NALCN: variants seen among roughly 807,000 people sequenced by gnomAD.
NALCN encodes the protein sodium leak channel NALCN.
NALCN carries 111 observed loss-of-function variants against 225.3 expected under a neutral mutation model. The ratio of observed to expected loss-of-function variants is 0.49; its 90% confidence interval spans 0.42 to 0.58. The LOEUF (loss-of-function observed/expected upper bound fraction) is 0.58, where lower values mean the gene tolerates loss of function less well. Among genes scored for constraint, NALCN ranks in the 20% least tolerant of loss-of-function variants. The probability of loss-of-function intolerance (pLI) is 0.00; values close to 1 mark genes in which losing one functional copy is unlikely to be tolerated. For missense variants in NALCN, 1,378 were observed against 2,202.4 expected, an observed-to-expected ratio of 0.63 and a Z score of 7.49; for synonymous variants, 764 against 769.0, an observed-to-expected ratio of 0.99 and a Z score of 0.11.
intron 6 of NALCN, among the ~76,000 whole-genome samples, chr13:101,346,239 T>G (rs900984832): frequency 6.6e-6 from 1 of 151,886 alleles, no homozygotes; most frequent in Non-Finnish European, 1.5e-5. Flanking sequence ...ATCCCCACAA[T>G]AGCTCTTTAT....
intron 30 of NALCN, among the ~76,000 whole-genome samples, chr13:101,088,675 G>A (rs749425537): frequency 1.3e-5 from 2 of 152,092 alleles, no homozygotes; most frequent in African/African-American, 2.4e-5. Flanking sequence ...CAAAGACTGC[G>A]TCTCAAACAA....
chr13:101,198,526 A>G (rs143127275), intron 13 of NALCN, among the ~76,000 whole-genome samples: 3,106 of 152,350 alleles, frequency 0.02, 107 homozygotes, highest in African/African-American at 0.07. Context: ...TGCAGCCAAC[A>G]GACACATGAA....
chr13:101,303,734 G>C (rs984422916), intron 7 of NALCN, among the ~76,000 whole-genome samples: 1 of 152,094 alleles, frequency 6.6e-6, no homozygotes, highest in Non-Finnish European at 1.5e-5. Flanking sequence ...GTCTTTCCGC[G>C]CTCTCATTAG....
At chr13:101,115,881 C>T (rs1227656962) in intron 18 of NALCN, among the ~76,000 whole-genome samples, 2 of 152,178 alleles carry the variant, frequency 1.3e-5, no homozygotes, top group Admixed American at 6.5e-5. Context: ...GGAACTCCAT[C>T]TAGTGGCTTC....
At chr13:101,375,550 T>C (rs1219408343) in intron 6 of NALCN, among the ~76,000 whole-genome samples, 2 of 152,200 alleles carry the variant, frequency 1.3e-5, no homozygotes, top group African/African-American at 2.4e-5. Flanking sequence ...ATGATCCTTA[T>C]ATACCCAATT....
intron 3 of NALCN, among the ~76,000 whole-genome samples, chr13:101,383,268 C>T (rs1193173986): frequency 6.6e-6 from 1 of 152,146 alleles, no homozygotes. Flanking sequence ...TCTTGTGTTA[C>T]TCGCAGAATA....
chr13:101,065,591 T>C (rs2032312142), intron 39 of NALCN, 30 bp from the exon 40 acceptor site: 2 of 1,605,666 alleles, frequency 1.2e-6, no homozygotes, highest in Non-Finnish European at 1.7e-6. Context: ...AAGTAGCAAA[T>C]CATCAGGCCT....
chr13:101,334,363 T>TCG, intron 7 of NALCN, among the ~76,000 whole-genome samples: 1 of 138,176 alleles, frequency 7.2e-6, no homozygotes, highest in South Asian at 2.2e-4. Context: ...GAGATGGGGG[T>TCG]AGGGGGAGCG....
At chr13:101,409,425 TC>T (rs1463595962) in intron 1 of NALCN, among the ~76,000 whole-genome samples, 1 of 152,212 alleles carries the variant, frequency 6.6e-6, no homozygotes, top group African/African-American at 2.4e-5. Context: ...ACTGAAACGT[TC>T]TACCCAGTAA....
intron 6 of NALCN, among the ~76,000 whole-genome samples, chr13:101,365,264 T>G (rs1298158269): frequency 6.6e-6 from 1 of 152,154 alleles, no homozygotes; most frequent in Non-Finnish European, 1.5e-5. Flanking sequence ...GTACTCAGTG[T>G]TTAGCTCTCA....
At chr13:101,068,302 T>C (rs2032588066) in intron 38 of NALCN, among the ~76,000 whole-genome samples, 1 of 152,138 alleles carries the variant, frequency 6.6e-6, no homozygotes, top group Non-Finnish European at 1.5e-5. Context: ...CTTTAACTCT[T>C]AGTTGAGAGT....
At chr13:101,406,332 A>G (rs958133763) in intron 1 of NALCN, among the ~76,000 whole-genome samples, 1 of 152,024 alleles carries the variant, frequency 6.6e-6, no homozygotes, top group Admixed American at 6.5e-5. Context: ...TCTCAAAAAG[A>G]AAAAAAGAAA....
At chr13:101,288,934 A>T (rs1203962816) in intron 9 of NALCN, among the ~76,000 whole-genome samples, 1 of 152,224 alleles carries the variant, frequency 6.6e-6, no homozygotes. Context: ...GGGGCTCATA[A>T]CAGGTATCTG....
At position 101,374,400 on chromosome 13, in the gene NALCN, C is replaced by T. The variant is rs954530485; in HGVS notation, c.644+2300G>A. Among the ~76,000 whole-genome samples, 9 of 151,834 alleles carry T rather than the reference C, an allele frequency of 5.9e-5. No homozygotes were observed. In the East Asian group the frequency reaches 1.2e-3, roughly 20 times the overall value. ...AAGCAATTCTCTTGTCTCAGCCTCC[C>T]GATCACAGGTGCCTCCTGGCATTAC... On this transcript the variant is annotated intron_variant, in intron 6 of 43. Coordinates refer to ENST00000251127, the MANE Select transcript of NALCN (RefSeq NM_052867.4).
intron 3 of NALCN, among the ~76,000 whole-genome samples, chr13:101,384,677 CA>C (rs1459852765): frequency 3.9e-5 from 6 of 152,088 alleles, no homozygotes; most frequent in African/African-American, 1.4e-4. Flanking sequence ...CTAAAGAACT[CA>C]CAGTCTGCAA....
At chr13:101,237,974 T>C (rs750009545) in intron 11 of NALCN, 52 bp from the exon 12 acceptor site, 1 of 1,508,184 alleles carries the variant, frequency 6.6e-7, no homozygotes, top group Non-Finnish European at 9.0e-7. Flanking sequence ...TAATTTATTC[T>C]AAATTATTTC....
intron 13 of NALCN, among the ~76,000 whole-genome samples, chr13:101,192,688 A>AAAG: frequency 7.8e-6 from 1 of 128,592 alleles, no homozygotes; most frequent in East Asian, 2.0e-4. Context: ...CAAACAAAAA[A>AAAG]GAAATAAAAA....
intron 14 of NALCN, among the ~76,000 whole-genome samples, chr13:101,183,187 A>T (rs753753285): frequency 7.2e-5 from 11 of 152,232 alleles, no homozygotes; most frequent in Non-Finnish European, 1.5e-4. Context: ...CGATGTCTGC[A>T]TATTACCTTC....
At chr13:101,166,302 T>C (rs942043470) in intron 15 of NALCN, among the ~76,000 whole-genome samples, 1 of 152,210 alleles carries the variant, frequency 6.6e-6, no homozygotes, top group Non-Finnish European at 1.5e-5. Flanking sequence ...CTACTTTTAA[T>C]TTTTTGAGGA....
Sources: allele counts gnomAD v4.1 joint callset (sites outside exome capture counted in the v4.1 genomes callset), GRCh38; gene constraint gnomAD v4.1.1; transcripts MANE v1.5; gene names NCBI Gene and HGNC (gene_info 2026-07-23, HGNC 2026-07-21).